Variants in AOX1 observed in about 807,000 individuals in gnomAD.
The protein encoded by AOX1 is aldehyde oxidase.
In AOX1, 153 loss-of-function variants were observed where a neutral mutation model predicts 169.5. The observed-to-expected ratio is 0.90, with a 90% CI of 0.79 to 1.03. AOX1 has a LOEUF of 1.03. AOX1 is among the 50% of genes least tolerant of loss of function. The probability of loss-of-function intolerance (pLI) is 0.00; values close to 1 mark genes in which losing one functional copy is unlikely to be tolerated. For synonymous variants in AOX1, 562 were observed against 581.9 expected (o/e 0.97, Z 0.49); for missense variants, 1,656 against 1,663.9 (o/e 1.00, Z 0.08).
chr2:200,620,388 T>C (rs1446277461), intron 16 of AOX1, among the ~76,000 whole-genome samples: 2 of 151,922 alleles, frequency 1.3e-5, no homozygotes, highest in Non-Finnish European at 2.9e-5. Context: ...TGTTTTTTTT[T>C]AGTAGAGACG....
Position 200,620,678 on chromosome 2 carries a change from A to T in AOX1, c.1733A>T (p.Asp578Val), listed in dbSNP as rs868609646. 2 of 1,562,330 alleles carry T rather than the reference A, an allele frequency of 1.3e-6. No individual in the cohort carries two copies. The highest frequency in any genetic ancestry group is 3.4e-4 in the Middle Eastern group (2 of 5,956). The stretch of plus-strand genomic sequence containing the variant: ...ATAGGCCCAAAGCAGCATCCTGAAG[A>T]CCCAATTGGCCACCCCATCATGCAT... ...QNIGPKQHPE[D>V]PIGHPIMHLS... The change falls in exon 17 of 35, where the codon GAC becomes GTC. Residue 578 changes from aspartate to valine, a missense_variant. Asp to Val is a radical substitution (Grantham distance 152). Coordinates refer to ENST00000374700, the MANE Select transcript of AOX1 (RefSeq NM_001159.4).
chr2:200,605,241 G>T (rs955535557), intron 9 of AOX1, among the ~76,000 whole-genome samples: 2 of 152,140 alleles, frequency 1.3e-5, no homozygotes, highest in Non-Finnish European at 2.9e-5. Context: ...GGGTCTTCCT[G>T]TTGCATCCAG....
In AOX1 at chr2:200,636,826, TA is replaced by T. The variant is rs1440605232; in HGVS notation, c.2347-81del. The T allele has an allele frequency of 2.0e-6, 3 of 1,495,994 alleles. No individual in the cohort carries two copies. The African/African-American group carries it at 4.2e-5, about 21-fold the overall frequency. The allele number at this position is 1,495,994 out of a possible 1,614,324, so 92.7% of individuals were successfully genotyped here. A position where few individuals can be genotyped will look rare whatever the true frequency, so the allele number is the denominator to read the frequency against. ...GGGACAGGTTTTTTGTTGTTGTTGT[TA>T]AAATCATAGATGTGACAATGACAGT... is the stretch of plus-strand genomic sequence containing the variant. On this transcript the variant is annotated intron_variant, in intron 21 of 34. Transcript: ENST00000374700.
At chr2:200,632,263 AT>A (rs1164019347) in intron 20 of AOX1, among the ~76,000 whole-genome samples, 3 of 151,020 alleles carry the variant, frequency 2.0e-5, no homozygotes, top group Non-Finnish European at 3.0e-5. Context: ...CCTTGTACAG[AT>A]TTTTTTTAGT....
chr2:200,646,193 C>G (rs2035449746), intron 25 of AOX1, among the ~76,000 whole-genome samples: 1 of 152,098 alleles, frequency 6.6e-6, no homozygotes, highest in Admixed American at 6.5e-5. Context: ...GATGTAGGCA[C>G]TTAGGGCTAT....
chr2:200,609,066 GAC>G lies in AOX1; in HGVS notation c.994_995del (p.Gln332AspfsTer29). 2 of 1,614,076 alleles carry G rather than the reference GAC, an allele frequency of 1.2e-6. No homozygotes were observed. The highest frequency in any genetic ancestry group is 1.1e-5 in the South Asian group (1 of 91,074). ...DVVQKLPEEK[T>X]QMYHALLKHL... is the part of the protein sequence containing the mutation. Reference sequence around the variant, plus strand: ...TAGTCCAGAAGCTTCCAGAGGAGAAGACACAGATGTACCATGCTCTCCTGAAG... The same window carrying G: ...TAGTCCAGAAGCTTCCAGAGGAGAAGACAGATGTACCATGCTCTCCTGAAG... On this transcript the variant is annotated frameshift_variant, in exon 11 of 35. Coordinates refer to ENST00000374700, the MANE Select transcript of AOX1 (RefSeq NM_001159.4). LOFTEE classifies it high-confidence loss of function.
At chr2:200,641,264 T>G (rs1414152436) in intron 24 of AOX1, 80 bp downstream of exon 24, 8 of 953,874 alleles carry the variant, frequency 8.4e-6, no homozygotes, top group Non-Finnish European at 1.3e-5. Context: ...TGCCCAATAG[T>G]TAAGTAATAT....
rs1245048165 is a variant in AOX1, at chr2:200,604,031, C to A, written c.603C>A (p.Leu201=). 6.2e-7 allele frequency: 1 copy of A among 1,611,726 alleles called. No individual in the cohort carries two copies. Among genetic ancestry groups the A allele is most frequent in the Non-Finnish European group, 8.5e-7 (1 of 1,177,970 alleles). The change falls in exon 8 of 35, where the codon CTC becomes CTA. Residue 201 remains leucine (L), a synonymous_variant. Transcript: ENST00000374700. ...FEEGSKTSPK[L]FAEEEFLPLD... The stretch of plus-strand genomic sequence containing the variant: ...TCTCTTTTTAGACAAGTCCAAAACT[C>A]TTCGCAGAAGAGGAGTTTCTGCCAT...
downstream of AOX1, among the ~76,000 whole-genome samples, chr2:200,680,442 A>AG (rs1247651596): frequency 6.6e-6 from 1 of 152,194 alleles, no homozygotes; most frequent in Admixed American, 6.5e-5. Flanking sequence ...GTCACAGGGG[A>AG]GGAAGGTCAC....
chr2:200,679,760 T>C (rs995752134), downstream of AOX1, among the ~76,000 whole-genome samples: 21 of 151,976 alleles, frequency 1.4e-4, no homozygotes, highest in Non-Finnish European at 2.5e-4. Context: ...AAAGGGATGA[T>C]TCACATCTAT....
intron 20 of AOX1, among the ~76,000 whole-genome samples, chr2:200,633,227 A>G (rs932555462): frequency 2.6e-5 from 4 of 152,066 alleles, no homozygotes; most frequent in African/African-American, 9.7e-5. Flanking sequence ...AATTTATTCT[A>G]TTTGGGATCA....
At chr2:200,644,551 G>A (rs2035414394) in intron 25 of AOX1, among the ~76,000 whole-genome samples, 1 of 152,078 alleles carries the variant, frequency 6.6e-6, no homozygotes, top group Non-Finnish European at 1.5e-5. Context: ...TTGGTATCAT[G>A]TGAACTTTAG....
At position 200,669,756 on chromosome 2, in the gene AOX1, G is replaced by A; in HGVS notation, c.3966+14G>A. 6.2e-7 allele frequency: 1 copy of A among 1,602,214 alleles called. No individual in the cohort carries two copies. Among genetic ancestry groups the A allele is most frequent in the South Asian group, 1.1e-5 (1 of 88,850 alleles). ...TTCACAAAAATGGTACGTTTGCATG[G>A]TAGAAAAAAAATAGTGATCATAAAA... On this transcript the variant is annotated intron_variant, in intron 34 of 34. Coordinates refer to ENST00000374700, the MANE Select transcript of AOX1 (RefSeq NM_001159.4).
intron 25 of AOX1, among the ~76,000 whole-genome samples, chr2:200,646,877 T>A (rs1430099811): frequency 6.6e-6 from 1 of 152,196 alleles, no homozygotes; most frequent in East Asian, 1.9e-4. Context: ...TCAGACAGAA[T>A]AGCTACTCCT....
intron 20 of AOX1, among the ~76,000 whole-genome samples, chr2:200,633,380 A>AT (rs1248854007): frequency 6.6e-6 from 1 of 151,414 alleles, no homozygotes; most frequent in African/African-American, 2.4e-5. Flanking sequence ...GGTGCTGTTC[A>AT]TTTTTTTTCC....
At chr2:200,613,652 G>A (rs544812160) in intron 14 of AOX1, 152 bp from the exon 15 acceptor site, 2 of 663,908 alleles carry the variant, frequency 3.0e-6, no homozygotes, top group South Asian at 5.9e-5. Flanking sequence ...GCCACCTTGA[G>A]AATGGTGGGC....
At chr2:200,621,746 T>TTTTCA (rs1553571091) in intron 18 of AOX1, among the ~76,000 whole-genome samples, 3 of 151,998 alleles carry the variant, frequency 2.0e-5, no homozygotes, top group African/African-American at 7.2e-5. Context: ...CGCTTTTTAT[T>TTTTCA]TTTTATTTTA....
rs761657118 is a variant in AOX1, at chr2:200,604,782, G to A, written c.756G>A (p.Leu252=). 1.2e-6 allele frequency: 2 copies of A among 1,613,850 alleles called. No homozygotes were observed. The highest frequency in any genetic ancestry group is 2.7e-5 in the African/African-American group (2 of 74,862). ...TTTCCCCCGTGACCCTGAAGGAACT[G>A]CTGGAATTTAAATTCAAGTATCCCC... ...MWFSPVTLKE[L]LEFKFKYPQA... Residue 252 remains leucine, a synonymous_variant, in exon 9 of 35, where the codon CTG becomes CTA. Coordinates refer to ENST00000374700, the MANE Select transcript of AOX1 (RefSeq NM_001159.4).
Position 200,642,666 on chromosome 2 carries a change from CT to C in AOX1, c.2713del (p.Cys905AlafsTer26). On this transcript the variant is annotated frameshift_variant, in exon 25 of 35. Transcript: ENST00000374700. LOFTEE classifies it high-confidence loss of function. The stretch of plus-strand genomic sequence containing the variant: ...ATGCTTACAAGTTTCCCAATCTCCG[CT>C]GCCGGGGTTGGGCATGCAGAACCAA... ...DNAYKFPNLRCRGWACRTNLP... is the reference protein window; with the variant it reads ...DNAYKFPNLRXRGWACRTNLP... 6.2e-7 allele frequency: 1 copy of C among 1,614,172 alleles called. No individual in the cohort carries two copies. The highest frequency in any genetic ancestry group is 8.5e-7 in the Non-Finnish European group (1 of 1,180,022).
Sources: gnomAD v4.1 joint callset for allele counts (sites outside exome capture counted in the v4.1 genomes callset) on GRCh38, gnomAD v4.1.1 for gene constraint, MANE v1.5 for transcripts, NCBI Gene and HGNC (gene_info 2026-07-23, HGNC 2026-07-21) for gene names.